The following GNAQ variants were observed in gnomAD, a reference collection of about 807,000 sequenced individuals.
The protein encoded by GNAQ is G protein subunit alpha q.
A neutral mutation model predicts 43.9 loss-of-function variants in GNAQ; 8 were observed. That is an observed-to-expected ratio of 0.18 (90% CI 0.11 to 0.33). The LOEUF (loss-of-function observed/expected upper bound fraction) is 0.33, where lower values mean the gene tolerates loss of function less well. GNAQ is among the 10% of genes least tolerant of loss of function. The pLI, the probability that GNAQ is intolerant of heterozygous loss-of-function variation, is 1.00. For synonymous variants in GNAQ, 155 were observed against 170.7 expected, an observed-to-expected ratio of 0.91 and a Z score of 0.71; for missense variants, 158 against 450.8, an observed-to-expected ratio of 0.35 and a Z score of 5.88.
At chr9:77,870,900 GA>G (rs1209298827) in intron 2 of GNAQ, among the ~76,000 whole-genome samples, 2 of 152,064 alleles carry the variant, frequency 1.3e-5, no homozygotes, top group African/African-American at 4.8e-5. Context: ...CATTCCTATG[GA>G]ATTTGACATC....
intron 1 of GNAQ, among the ~76,000 whole-genome samples, chr9:77,978,433 T>C (rs1485345037): frequency 6.6e-6 from 1 of 152,242 alleles, no homozygotes; most frequent in African/African-American, 2.4e-5. Flanking sequence ...CTCTCCCTCC[T>C]GCCTCTTTTC....
At chr9:78,003,370 G>C (rs1433459381) in intron 1 of GNAQ, among the ~76,000 whole-genome samples, 1 of 152,080 alleles carries the variant, frequency 6.6e-6, no homozygotes. Flanking sequence ...TCCTTGATGG[G>C]GTAATTTTTG....
intron 5 of GNAQ, among the ~76,000 whole-genome samples, chr9:77,755,738 T>C (rs1315902700): frequency 1.3e-5 from 2 of 152,152 alleles, no homozygotes. Context: ...TGAAGGAGAG[T>C]TGTATTATGT....
intron 1 of GNAQ, among the ~76,000 whole-genome samples, chr9:77,996,407 C>T (rs1426110369): frequency 2.6e-5 from 4 of 152,052 alleles, no homozygotes; most frequent in Non-Finnish European, 5.9e-5. Flanking sequence ...TGGCTAGGCG[C>T]GGTGGCTCAC....
At chr9:78,015,620 C>CTA (rs975097833) in intron 1 of GNAQ, among the ~76,000 whole-genome samples, 2 of 151,706 alleles carry the variant, frequency 1.3e-5, no homozygotes, top group African/African-American at 4.8e-5. Flanking sequence ...CAAAAATTGA[C>CTA]TATATATATT....
intron 1 of GNAQ, among the ~76,000 whole-genome samples, chr9:77,998,049 C>T (rs918406991): frequency 2.6e-5 from 4 of 152,190 alleles, no homozygotes; most frequent in Non-Finnish European, 5.9e-5. Flanking sequence ...CCCCACTTCT[C>T]ATACACACAC....
At chr9:77,993,266 A>G (rs898508436) in intron 1 of GNAQ, among the ~76,000 whole-genome samples, 3 of 152,200 alleles carry the variant, frequency 2.0e-5, no homozygotes, top group Non-Finnish European at 4.4e-5. Flanking sequence ...AGAAAATATT[A>G]ACAGTTGATA....
At chr9:77,883,756 T>A (rs936821887) in intron 2 of GNAQ, among the ~76,000 whole-genome samples, 1 of 152,178 alleles carries the variant, frequency 6.6e-6, no homozygotes, top group Non-Finnish European at 1.5e-5. Flanking sequence ...GTTTTTGGTC[T>A]CTAGGAAAAT....
rs368904426 is a variant in GNAQ at position 78,001,038 on chromosome 9, CA to C, written c.136+30061del. 5.4e-3 allele frequency among the ~76,000 whole-genome samples: 816 copies of C among 152,220 alleles called. 6 individuals carry two copies. Among genetic ancestry groups the C allele is most frequent in the African/African-American group, 0.018 (739 of 41,540 alleles). ...GAAAACAGCAAATAAAGAAATTAAA[CA>C]AAGGCATTTCTGTCTTGACAACAAC... On this transcript the variant is annotated intron_variant, in intron 1 of 6. Transcript: ENST00000286548.
chr9:77,913,221 GAC>G (rs539181069), intron 2 of GNAQ, among the ~76,000 whole-genome samples: 1 of 151,872 alleles, frequency 6.6e-6, no homozygotes, highest in South Asian at 2.1e-4. Flanking sequence ...GTTCACCAAA[GAC>G]AGGTACAGGA....
intron 2 of GNAQ, among the ~76,000 whole-genome samples, chr9:77,900,972 T>C (rs537391450): frequency 1.3e-5 from 2 of 152,292 alleles, no homozygotes; most frequent in African/African-American, 4.8e-5. Flanking sequence ...AAATTTCCAC[T>C]GACCAACAAA....
chr9:77,840,285 A>T (rs542568213), intron 2 of GNAQ, among the ~76,000 whole-genome samples: 1 of 152,086 alleles, frequency 6.6e-6, no homozygotes, highest in Non-Finnish European at 1.5e-5. Flanking sequence ...GATAGATGCA[A>T]GTTTATTATC....
chr9:77,761,331 A>G (rs1826014323), intron 5 of GNAQ, among the ~76,000 whole-genome samples: 1 of 110,166 alleles, frequency 9.1e-6, no homozygotes, highest in African/African-American at 3.4e-5. Context: ...GTGGGGGGTC[A>G]GCCCCCCGCC....
At chr9:77,826,499 C>T (rs560425235) in intron 2 of GNAQ, among the ~76,000 whole-genome samples, 1 of 152,334 alleles carries the variant, frequency 6.6e-6, no homozygotes, top group South Asian at 2.1e-4. Context: ...GCCCTAGATG[C>T]TTGTGTTATG....
At chr9:77,932,409 T>C (rs1212257099) in intron 1 of GNAQ, among the ~76,000 whole-genome samples, 13 of 152,170 alleles carry the variant, frequency 8.5e-5, no homozygotes, top group African/African-American at 4.8e-5. Flanking sequence ...AAATATCTAA[T>C]GGAGATGAGT....
chr9:77,895,294 T>A (rs1828482013), intron 2 of GNAQ, among the ~76,000 whole-genome samples: 1 of 152,072 alleles, frequency 6.6e-6, no homozygotes, highest in African/African-American at 2.4e-5. Flanking sequence ...ATACCCACCC[T>A]GTGACTTAGC....
chr9:77,821,376 ATT>A (rs1020637000), intron 2 of GNAQ, among the ~76,000 whole-genome samples: 2 of 151,186 alleles, frequency 1.3e-5, no homozygotes, highest in Non-Finnish European at 3.0e-5. Flanking sequence ...TTTAAAATAT[ATT>A]TTTTTTTCTT....
At chr9:77,873,628 G>A (rs1355514660) in intron 2 of GNAQ, among the ~76,000 whole-genome samples, 2 of 152,194 alleles carry the variant, frequency 1.3e-5, no homozygotes, top group East Asian at 1.9e-4. Context: ...AGCCAGGGAA[G>A]AAGAAATGAT....
At chr9:77,971,077 G>T (rs1823231336) in intron 1 of GNAQ, among the ~76,000 whole-genome samples, 1 of 152,146 alleles carries the variant, frequency 6.6e-6, no homozygotes, top group Non-Finnish European at 1.5e-5. Flanking sequence ...GACTAAACCA[G>T]GAAGAAGTTG....
Sources: gnomAD v4.1 joint callset for allele counts (sites outside exome capture counted in the v4.1 genomes callset) on GRCh38, gnomAD v4.1.1 for gene constraint, MANE v1.5 for transcripts, NCBI Gene and HGNC (gene_info 2026-07-23, HGNC 2026-07-21) for gene names.